The following SPATS2 variants were observed in gnomAD, a reference collection of about 807,000 sequenced individuals.
The protein encoded by SPATS2 is spermatogenesis-associated serine-rich protein 2.
SPATS2 carries 38 observed loss-of-function variants against 63.7 expected under a neutral mutation model. The observed-to-expected ratio is 0.60, with a 90% confidence interval of 0.46 to 0.78. The LOEUF (loss-of-function observed/expected upper bound fraction) is 0.78. Among genes scored for constraint, SPATS2 ranks in the 30% least tolerant of loss-of-function variants. The pLI is 0.00. For missense variants in SPATS2, 588 were observed against 666.2 expected (o/e 0.88, Z 1.29); for synonymous variants, 207 against 232.9 (o/e 0.89, Z 1.01).
chr12:49,467,840 T>G (rs1449187694), intron 3 of SPATS2, among the ~76,000 whole-genome samples: 1 of 150,924 alleles, frequency 6.6e-6, no homozygotes, highest in Non-Finnish European at 1.5e-5. Flanking sequence ...AGTAGCTGGG[T>G]CTCCTGCCTG....
Position 49,461,027 on chromosome 12 carries a change from G to C in SPATS2, c.15G>C (p.Gln5His). The stretch of plus-strand genomic sequence containing the variant: ...AAGAAACGACAATGTCCAGGAAACA[G>C]AACCAGAAGGGTAAGATTACATGTG... MSRK[Q>H]NQKDSSGFIF... Residue 5 changes from glutamine to histidine, a missense_variant, in exon 3 of 14, where the codon CAG becomes CAC. Transcript: ENST00000552918. 1 of 1,613,918 alleles carries C rather than the reference G, an allele frequency of 6.2e-7. No homozygotes were observed.
chr12:49,428,637 A>T (rs1200456191), intron 2 of SPATS2, among the ~76,000 whole-genome samples: 1 of 152,236 alleles, frequency 6.6e-6, no homozygotes, highest in African/African-American at 2.4e-5. Flanking sequence ...ATAATATTCC[A>T]TCTTTCATAA....
At chr12:49,397,833 T>C (rs1204238493) in intron 2 of SPATS2, among the ~76,000 whole-genome samples, 3 of 82,322 alleles carry the variant, frequency 3.6e-5, no homozygotes, top group Non-Finnish European at 7.0e-5. Context: ...CTTAGCTCTT[T>C]AAAAAAAAAA....
intron 2 of SPATS2, among the ~76,000 whole-genome samples, chr12:49,398,699 C>T (rs974587805): frequency 6.6e-6 from 1 of 152,090 alleles, no homozygotes; most frequent in Non-Finnish European, 1.5e-5. Context: ...ACTTGGATTA[C>T]GGATATTCTT....
intron 2 of SPATS2, among the ~76,000 whole-genome samples, chr12:49,416,009 C>A (rs577532296): frequency 1.3e-5 from 2 of 151,388 alleles, no homozygotes; most frequent in Admixed American, 1.3e-4. Context: ...GTGTTAAGAC[C>A]AAACATTTTA....
chr12:49,403,480 T>C (rs1324156203), intron 2 of SPATS2, among the ~76,000 whole-genome samples: 2 of 151,624 alleles, frequency 1.3e-5, no homozygotes, highest in Non-Finnish European at 2.9e-5. Flanking sequence ...ATACAAAAGT[T>C]AGCTGGGTGT....
chr12:49,471,647 A>C (rs1338027064), intron 3 of SPATS2, among the ~76,000 whole-genome samples: 1 of 152,172 alleles, frequency 6.6e-6, no homozygotes, highest in Admixed American at 6.5e-5. Context: ...TTGTGTTTTA[A>C]CCATTTTTAA....
intron 1 of SPATS2, among the ~76,000 whole-genome samples, chr12:49,369,719 G>A (rs1478405299): frequency 6.6e-6 from 1 of 152,120 alleles, no homozygotes; most frequent in Non-Finnish European, 1.5e-5. Context: ...TGATAAATAG[G>A]GCTAAAAACA....
intron 10 of SPATS2, among the ~76,000 whole-genome samples, chr12:49,515,975 A>C (rs962252615): frequency 1.2e-4 from 18 of 151,066 alleles, no homozygotes; most frequent in African/African-American, 4.1e-4. Flanking sequence ...CCCCGTCTCT[A>C]CTAAAAATAC....
At chr12:49,522,028 G>GGA (rs1565763944) in intron 11 of SPATS2, among the ~76,000 whole-genome samples, 2 of 138,858 alleles carry the variant, frequency 1.4e-5, no homozygotes, top group Non-Finnish European at 3.2e-5. Flanking sequence ...CTTTTCATCT[G>GGA]AAAAAAAAAA....
At chr12:49,436,216 C>T (rs1360787309) in intron 2 of SPATS2, among the ~76,000 whole-genome samples, 15 of 150,614 alleles carry the variant, frequency 1.0e-4, no homozygotes, top group African/African-American at 1.2e-4. Context: ...CCAGTAGGGG[C>T]GGCCGGGCAG....
chr12:49,500,060 T>C lies in SPATS2; in HGVS notation c.704-10T>C, dbSNP rs772819125. 6.9e-7 allele frequency: 1 copy of C among 1,448,864 alleles called. No individual in the cohort carries two copies. Among genetic ancestry groups the C allele is most frequent in the South Asian group, 1.7e-5 (1 of 60,600 alleles). The allele number at this position is 1,448,864 out of a possible 1,614,324, so 89.8% of individuals were successfully genotyped here. ...TTTTTTTTTTTAATATTTCGGTTTTTTTCCCCAAGGTTCCAATATTGAAAA... is the reference window on the plus strand; with the variant it reads ...TTTTTTTTTTTAATATTTCGGTTTTCTTCCCCAAGGTTCCAATATTGAAAA... On this transcript the variant is annotated splice_polypyrimidine_tract_variant and intron_variant, in intron 8 of 13. Coordinates refer to ENST00000552918, the MANE Select transcript of SPATS2 (RefSeq NM_023071.4).
At chr12:49,496,656 G>C (rs1003698476) in intron 7 of SPATS2, among the ~76,000 whole-genome samples, 177 bp from the exon 8 acceptor site, 1 of 152,142 alleles carries the variant, frequency 6.6e-6, no homozygotes. Flanking sequence ...CGAAGCTGCC[G>C]ATAGCCATAC....
At chr12:49,387,764 A>G (rs1443371100) in intron 2 of SPATS2, among the ~76,000 whole-genome samples, 1 of 151,634 alleles carries the variant, frequency 6.6e-6, no homozygotes, top group Non-Finnish European at 1.5e-5. Context: ...GGTGGAGAGC[A>G]GGCAGGCACT....
intron 9 of SPATS2, among the ~76,000 whole-genome samples, chr12:49,508,724 A>G (rs1946694456): frequency 6.6e-6 from 1 of 150,532 alleles, no homozygotes; most frequent in East Asian, 1.9e-4. Context: ...CATGAGCCAC[A>G]GTGCCTGGCC....
At chr12:49,459,878 A>T (rs1015561382) in intron 2 of SPATS2, among the ~76,000 whole-genome samples, 1 of 139,350 alleles carries the variant, frequency 7.2e-6, no homozygotes, top group African/African-American at 2.7e-5. Context: ...CGAGGTCAGG[A>T]GTTCGAGACC....
At chr12:49,457,329 A>G (rs1945736643) in intron 2 of SPATS2, among the ~76,000 whole-genome samples, 1 of 152,166 alleles carries the variant, frequency 6.6e-6, no homozygotes, top group Admixed American at 6.6e-5. Flanking sequence ...GTTTGCAGCT[A>G]CAGAGTATAG....
chr12:49,522,669 A>G lies in SPATS2; in HGVS notation c.1009-82A>G. The G allele has an allele frequency of 2.7e-6, 3 of 1,100,026 alleles. No homozygotes were observed. The Admixed American group carries it at 7.6e-5, about 28-fold the overall frequency. 68.1% of individuals were successfully genotyped at this position (1,100,026 alleles called of 1,614,324 possible). On this transcript the variant is annotated intron_variant, in intron 11 of 13. Coordinates refer to ENST00000552918, the MANE Select transcript of SPATS2 (RefSeq NM_023071.4). ...AGCAATAAAAAGACAATTGAAAATG[A>G]TTGTTTAATCTGTATAGCAAGTTAT...
At chr12:49,470,831 T>C (rs1487439844) in intron 3 of SPATS2, among the ~76,000 whole-genome samples, 2 of 152,224 alleles carry the variant, frequency 1.3e-5, no homozygotes, top group African/African-American at 4.8e-5. Context: ...TGCTTACCCA[T>C]CAAAACTTTA....
Sources: allele counts gnomAD v4.1 joint callset (sites outside exome capture counted in the v4.1 genomes callset), GRCh38; gene constraint gnomAD v4.1.1; transcripts MANE v1.5; gene names NCBI Gene and HGNC (gene_info 2026-07-23, HGNC 2026-07-21).